Variants in ITCH observed in about 807,000 individuals in gnomAD.
ITCH encodes the protein E3 ubiquitin-protein ligase Itchy homolog.
A neutral mutation model predicts 126.8 loss-of-function variants in ITCH; 28 were observed. The observed-to-expected ratio is 0.22, with a 90% CI of 0.16 to 0.30. The LOEUF is 0.30. ITCH is among the 10% of genes least tolerant of loss of function. The pLI, the probability that ITCH is intolerant of heterozygous loss-of-function variation, is 1.00. For missense variants in ITCH, 631 were observed against 1,032.4 expected (o/e 0.61, Z 5.33); for synonymous variants, 342 against 340.0 (o/e 1.01, Z -0.06).
At chr20:34,363,911 C>T (rs1008863443) in intron 1 of ITCH, among the ~76,000 whole-genome samples, 5 of 152,192 alleles carry the variant, frequency 3.3e-5, no homozygotes, top group Non-Finnish European at 7.3e-5. Flanking sequence ...GTGGTGGTCC[C>T]GGCTCCGGCG....
intron 24 of ITCH, among the ~76,000 whole-genome samples, chr20:34,505,259 G>A (rs1990544631): frequency 6.6e-6 from 1 of 152,102 alleles, no homozygotes; most frequent in African/African-American, 2.4e-5. Flanking sequence ...GGTCAGGCCG[G>A]TCTCAAACTC....
rs187648279 is a variant in ITCH, at chr20:34,375,806, A to C, written c.-22+6336A>C. Reference sequence around the variant, plus strand: ...GGTGATAGGATTGCTTGAGCCTCGGAGTTTGAGACCAGCTTGAGCAACATA... The same window carrying C: ...GGTGATAGGATTGCTTGAGCCTCGGCGTTTGAGACCAGCTTGAGCAACATA... On this transcript the variant is annotated intron_variant, in intron 2 of 24. Transcript: ENST00000374864. Among the ~76,000 whole-genome samples the C allele has an allele frequency of 2.2e-5, 3 of 134,984 alleles. No homozygotes were observed. In the Admixed American group the frequency reaches 2.6e-4, roughly 12 times the overall value. 88.6% of individuals were successfully genotyped at this position (134,984 alleles called of 152,430 possible).
At chr20:34,445,169 T>G in intron 10 of ITCH, 118 bp from the exon 11 acceptor site, 1 of 1,130,842 alleles carries the variant, frequency 8.8e-7, no homozygotes, top group Non-Finnish European at 1.3e-6. Flanking sequence ...ACAAACTATT[T>G]AAAAATACAT....
chr20:34,480,471 G>A, intron 18 of ITCH, 128 bp from the exon 19 acceptor site: 2 of 1,114,030 alleles, frequency 1.8e-6, no homozygotes, highest in Middle Eastern at 2.8e-4. Flanking sequence ...CAGATTGCTG[G>A]GATTACAGGC....
chr20:34,462,400 A>G (rs1986624764), intron 14 of ITCH, among the ~76,000 whole-genome samples, 179 bp downstream of exon 14: 1 of 151,794 alleles, frequency 6.6e-6, no homozygotes. Flanking sequence ...TATCCTAGAG[A>G]TTTTCATATT....
intron 6 of ITCH, among the ~76,000 whole-genome samples, chr20:34,422,144 GTT>G (rs372808963): frequency 6.6e-6 from 1 of 152,114 alleles, no homozygotes; most frequent in African/African-American, 2.4e-5. Context: ...ATGTTTACAT[GTT>G]TAATTCTTAT....
At chr20:34,480,896 C>A (rs531977730) in intron 19 of ITCH, among the ~76,000 whole-genome samples, 164 bp downstream of exon 19, 1 of 152,132 alleles carries the variant, frequency 6.6e-6, no homozygotes, top group African/African-American at 2.4e-5. Flanking sequence ...TACAAAAATA[C>A]ACCCAAGATC....
chr20:34,390,421 G>A (rs1490087366), intron 2 of ITCH, among the ~76,000 whole-genome samples: 3 of 148,166 alleles, frequency 2.0e-5, no homozygotes, highest in African/African-American at 7.4e-5. Flanking sequence ...GTAATACATG[G>A]TATAGAATTG....
At chr20:34,421,623 CTATT>C (rs1256569104) in intron 6 of ITCH, among the ~76,000 whole-genome samples, 1 of 148,024 alleles carries the variant, frequency 6.8e-6, no homozygotes, top group Non-Finnish European at 1.5e-5. Context: ...TTGTTGTTAA[CTATT>C]CTCTGGTTGT....
chr20:34,417,100 C>CTTTT, intron 6 of ITCH: 1 of 578,600 alleles, frequency 1.7e-6, no homozygotes. Flanking sequence ...TTTAGGTAGA[C>CTTTT]TTTTTTTTTT....
intron 7 of ITCH, among the ~76,000 whole-genome samples, chr20:34,430,231 GT>G (rs1982097462): frequency 6.6e-6 from 1 of 152,170 alleles, no homozygotes; most frequent in Non-Finnish European, 1.5e-5. Flanking sequence ...ACTTGCTTGA[GT>G]TAATAGCGTT....
intron 14 of ITCH, 86 bp from the exon 15 acceptor site, chr20:34,469,962 G>T (rs1987461966): frequency 1.0e-6 from 1 of 989,928 alleles, no homozygotes. Flanking sequence ...AGTAAGTGCT[G>T]AGAGAGGGTG....
chr20:34,410,429 C>T (rs1319915508), intron 4 of ITCH, among the ~76,000 whole-genome samples: 1 of 151,166 alleles, frequency 6.6e-6, no homozygotes. Flanking sequence ...AGGCCCGTAT[C>T]ATTCGGATGT....
rs1433702177 is a variant in ITCH at position 34,456,212 on chromosome 20, ATATTTTTTTTTTTTTT to A, written c.1211-1176_1211-1161del. On this transcript the variant is annotated intron_variant, in intron 12 of 24. Coordinates refer to ENST00000374864, the MANE Select transcript of ITCH (RefSeq NM_031483.7). ...TATATATATATATATATATATATATATATTTTTTTTTTTTTTTTTTTTTTTTTTTTGAGACAGGGCC... is the reference window on the plus strand; with the variant it reads ...TATATATATATATATATATATATATATTTTTTTTTTTTTTGAGACAGGGCC... Among the ~76,000 whole-genome samples the A allele has an allele frequency of 2.1e-4, 5 of 23,812 alleles. No homozygotes were observed. In the East Asian group the frequency reaches 7.6e-3, roughly 36 times the overall value. The allele number at this position is 23,812 out of a possible 152,430, so 15.6% of individuals were successfully genotyped here.
At chr20:34,440,039 A>G (rs1983528679) in intron 8 of ITCH, 116 bp from the exon 9 acceptor site, 1 of 722,538 alleles carries the variant, frequency 1.4e-6, no homozygotes, top group South Asian at 1.7e-5. Context: ...TCACCTGTGC[A>G]TCTACATCTT....
intron 16 of ITCH, chr20:34,476,201 C>A (rs993056952): frequency 1.2e-6 from 1 of 800,954 alleles, no homozygotes; most frequent in Non-Finnish European, 2.3e-6. Context: ...TCAACCACAA[C>A]GTCTAGCAGA....
chr20:34,448,208 A>G (rs899074829), intron 11 of ITCH, among the ~76,000 whole-genome samples: 3 of 152,124 alleles, frequency 2.0e-5, no homozygotes, highest in Admixed American at 1.3e-4. Flanking sequence ...CCTGACCAAC[A>G]TGGTGAAACC....
At chr20:34,457,332 CAAG>C in intron 12 of ITCH, 55 bp from the exon 13 acceptor site, 2 of 1,100,454 alleles carry the variant, frequency 1.8e-6, no homozygotes, top group Non-Finnish European at 2.8e-6. Flanking sequence ...TTACCTTGAG[CAAG>C]AAGACTATGC....
chr20:34,457,031 T>C (rs1986072018), intron 12 of ITCH, among the ~76,000 whole-genome samples: 2 of 152,186 alleles, frequency 1.3e-5, no homozygotes, highest in South Asian at 4.1e-4. Context: ...ATCTTAAGGA[T>C]AAAGATGAAT....
Sources: gnomAD v4.1 joint callset for allele counts (sites outside exome capture counted in the v4.1 genomes callset) on GRCh38, gnomAD v4.1.1 for gene constraint, MANE v1.5 for transcripts, NCBI Gene and HGNC (gene_info 2026-07-23, HGNC 2026-07-21) for gene names.